The following COL22A1 variants were observed in gnomAD, a reference collection of about 807,000 sequenced individuals.
COL22A1 encodes the protein collagen type XXII alpha 1 chain.
Under a neutral mutation model 248.9 loss-of-function variants are expected in COL22A1, and 221 were observed. The observed-to-expected ratio is 0.89, with a 90% CI of 0.80 to 0.99. The LOEUF is 0.99. Among genes scored for constraint, COL22A1 ranks in the 50% least tolerant of loss-of-function variants. The pLI, the probability that COL22A1 is intolerant of heterozygous loss-of-function variation, is 0.00. For missense variants in COL22A1, 2,240 were observed against 2,179.0 expected, an observed-to-expected ratio of 1.03 and a Z score of -0.56; for synonymous variants, 891 against 793.4, an observed-to-expected ratio of 1.12 and a Z score of -2.07.
intron 15 of COL22A1, 22 bp from the exon 16 acceptor site, chr8:138,776,032 G>A: frequency 6.2e-7 from 1 of 1,613,568 alleles, no homozygotes; most frequent in Non-Finnish European, 8.5e-7. Flanking sequence ...AGAAAGAGCA[G>A]TGACCCAACA....
chr8:138,868,643 T>C (rs1175475709), intron 3 of COL22A1, among the ~76,000 whole-genome samples: 1 of 152,072 alleles, frequency 6.6e-6, no homozygotes, highest in Admixed American at 6.5e-5. Context: ...GAGCCCACAC[T>C]CAGGGCCATC....
intron 40 of COL22A1, among the ~76,000 whole-genome samples, chr8:138,677,242 T>C (rs887600050): frequency 1.3e-5 from 2 of 152,138 alleles, no homozygotes; most frequent in African/African-American, 2.4e-5. Flanking sequence ...AAGTGATGAG[T>C]TCCTATGCTC....
At chr8:138,881,895 C>A (rs1327940477) in intron 2 of COL22A1, among the ~76,000 whole-genome samples, 1 of 152,154 alleles carries the variant, frequency 6.6e-6, no homozygotes, top group Non-Finnish European at 1.5e-5. Context: ...CCAGTGCCTT[C>A]CCCCAGGGCA....
At chr8:138,624,180 T>C (rs1820064465) in intron 51 of COL22A1, among the ~76,000 whole-genome samples, 1 of 152,264 alleles carries the variant, frequency 6.6e-6, no homozygotes, top group East Asian at 1.9e-4. Flanking sequence ...CTGACGATGA[T>C]AATGAGGACA....
chr8:138,746,237 C>G (rs939051639), intron 22 of COL22A1, among the ~76,000 whole-genome samples: 1 of 152,218 alleles, frequency 6.6e-6, no homozygotes, highest in Non-Finnish European at 1.5e-5. Flanking sequence ...TCTCCATGCC[C>G]AGGTTCCAGC....
chr8:138,676,466 A>AAAGAAAGAAAGAAAGAAAGGAAGGAAGG, intron 41 of COL22A1, 92 bp downstream of exon 41: 2 of 626,352 alleles, frequency 3.2e-6, no homozygotes, highest in South Asian at 4.8e-5. Context: ...AGGAAGAAAG[A>AAAGAAAGAAAGAAAGAAAGGAAGGAAGG]AAGAAAGAAA....
chr8:138,725,295 G>T, intron 24 of COL22A1, 92 bp downstream of exon 24: 1 of 1,304,632 alleles, frequency 7.7e-7, no homozygotes, highest in Non-Finnish European at 1.1e-6. Flanking sequence ...GTGGATAAAA[G>T]ACAAGAGGCC....
At chr8:138,848,632 C>T (rs115110937) in intron 3 of COL22A1, among the ~76,000 whole-genome samples, 84 of 152,232 alleles carry the variant, frequency 5.5e-4, no homozygotes, top group African/African-American at 1.9e-3. Flanking sequence ...CAGTTGGGAA[C>T]GGAGGGTACA....
intron 30 of COL22A1, among the ~76,000 whole-genome samples, chr8:138,712,100 G>A (rs774855131): frequency 2.4e-4 from 36 of 152,174 alleles, no homozygotes; most frequent in Non-Finnish European, 4.9e-4. Flanking sequence ...TGCACTCAGT[G>A]AGCCTGCCAC....
chr8:138,610,689 C>T (rs562531563), intron 56 of COL22A1, among the ~76,000 whole-genome samples: 5 of 152,192 alleles, frequency 3.3e-5, no homozygotes, highest in Non-Finnish European at 2.9e-5. Context: ...GCATGTGGTA[C>T]GTGAAGCCCT....
chr8:138,615,641 G>A (rs1045469202), intron 55 of COL22A1, among the ~76,000 whole-genome samples: 2 of 151,968 alleles, frequency 1.3e-5, no homozygotes, highest in Non-Finnish European at 2.9e-5. Context: ...CGGTGGTGGC[G>A]GTGAGGGGTG....
chr8:138,599,612 C>G (rs6981391), intron 60 of COL22A1, among the ~76,000 whole-genome samples: 1 of 152,024 alleles, frequency 6.6e-6, no homozygotes, highest in Non-Finnish European at 1.5e-5. Flanking sequence ...ATAGTCCCAG[C>G]TACTTGGAAG....
rs575660143 is a variant in COL22A1, at chr8:138,865,120, T to C, written c.658+12630A>G. Among the ~76,000 whole-genome samples the C allele has an allele frequency of 1.4e-4, 21 of 152,326 alleles. No homozygotes were observed. The South Asian group carries it at 3.9e-3, about 29-fold the overall frequency. On this transcript the variant is annotated intron_variant, in intron 3 of 64. Coordinates refer to ENST00000303045, the MANE Select transcript of COL22A1 (RefSeq NM_152888.3). ...ATTGACTGGTTGGATTTCCAGAATATGGAAGCAGATATTTCCCAAGAGTAG... is the reference window on the plus strand; with the variant it reads ...ATTGACTGGTTGGATTTCCAGAATACGGAAGCAGATATTTCCCAAGAGTAG...
chr8:138,611,291 T>C (rs2131881199), intron 56 of COL22A1, among the ~76,000 whole-genome samples: 1 of 152,320 alleles, frequency 6.6e-6, no homozygotes. Context: ...AGCCTCCTTG[T>C]TCCGTCCAGA....
At chr8:138,675,257 A>C (rs1825420185) in intron 41 of COL22A1, among the ~76,000 whole-genome samples, 1 of 151,994 alleles carries the variant, frequency 6.6e-6, no homozygotes, top group Non-Finnish European at 1.5e-5. Flanking sequence ...CCCAAGAACT[A>C]CTCTGGATGT....
chr8:138,696,001 A>C (rs1046448259), intron 32 of COL22A1, among the ~76,000 whole-genome samples: 60 of 152,280 alleles, frequency 3.9e-4, no homozygotes, highest in African/African-American at 1.3e-3. Context: ...ACTTGGGCAA[A>C]GTAGTTACCC....
rs567512916 is a variant in COL22A1 at position 138,768,531 on chromosome 8, G to A, written c.1804-6065C>T. Among the ~76,000 whole-genome samples, 20 of 152,290 alleles carry A rather than the reference G, an allele frequency of 1.3e-4. No homozygotes were observed. In the South Asian group the frequency reaches 1.7e-3, roughly 13 times the overall value. ...AACCCCTAGCAATCACAACGGACTC[G>A]TTTATTAAATAGGAATATGTAAAGT... On this transcript the variant is annotated intron_variant, in intron 16 of 64. Transcript: ENST00000303045.
intron 23 of COL22A1, among the ~76,000 whole-genome samples, chr8:138,731,919 T>C (rs148680018): frequency 6.6e-6 from 1 of 152,336 alleles, no homozygotes; most frequent in Non-Finnish European, 1.5e-5. Flanking sequence ...GATAAATCAG[T>C]ACCCTCATTT....
intron 40 of COL22A1, among the ~76,000 whole-genome samples, chr8:138,678,403 G>T (rs909201846): frequency 1.3e-5 from 2 of 152,056 alleles, no homozygotes; most frequent in Admixed American, 6.6e-5. Flanking sequence ...AACATCCCTT[G>T]CCCTGCCCTC....
Sources: allele counts gnomAD v4.1 joint callset (sites outside exome capture counted in the v4.1 genomes callset), GRCh38; gene constraint gnomAD v4.1.1; transcripts MANE v1.5; gene names NCBI Gene and HGNC (gene_info 2026-07-23, HGNC 2026-07-21).